LAMA3: variants seen among roughly 807,000 people sequenced by gnomAD.
The protein encoded by LAMA3 is laminin subunit alpha 3.
LAMA3 carries 281 observed loss-of-function variants against 402.0 expected under a neutral mutation model. That is an observed-to-expected ratio of 0.70 (90% CI 0.63 to 0.77). The LOEUF is 0.77. LAMA3 is among the 30% of genes least tolerant of loss of function. The probability of loss-of-function intolerance (pLI) is 0.00; values close to 1 mark genes in which losing one functional copy is unlikely to be tolerated. For synonymous variants in LAMA3, 1,431 were observed against 1,558.4 expected, an observed-to-expected ratio of 0.92 and a Z score of 1.93; for missense variants, 3,840 against 4,215.5, an observed-to-expected ratio of 0.91 and a Z score of 2.47.
At chr18:23,824,796 C>A (rs2144430765) in intron 21 of LAMA3, among the ~76,000 whole-genome samples, 1 of 151,704 alleles carries the variant, frequency 6.6e-6, no homozygotes, top group East Asian at 1.9e-4. Context: ...TTCTCTTGGA[C>A]AAAAAAAATA....
chr18:23,925,028 T>C (rs1331369821), intron 62 of LAMA3, among the ~76,000 whole-genome samples: 2 of 152,162 alleles, frequency 1.3e-5, no homozygotes, highest in Admixed American at 6.5e-5. Flanking sequence ...GAAACTGCCA[T>C]TGGGCATGAG....
At chr18:23,763,589 T>C in intron 8 of LAMA3, 66 bp downstream of exon 8, 3 of 986,018 alleles carry the variant, frequency 3.0e-6, no homozygotes, top group Non-Finnish European at 4.9e-6. Context: ...TAAGCTCTGC[T>C]CCTGAAGAGA....
At position 23,943,980 on chromosome 18, in the gene LAMA3, T is replaced by C; in HGVS notation, c.9210+9T>C. ...ATGGGAAATGGCACACGGTAAGAGCTGGGGCTGTGTCAGTATCTCCAGTTG... is the reference window on the plus strand; with the variant it reads ...ATGGGAAATGGCACACGGTAAGAGCCGGGGCTGTGTCAGTATCTCCAGTTG... On this transcript the variant is annotated intron_variant, in intron 69 of 74. Coordinates refer to ENST00000313654, the MANE Select transcript of LAMA3 (RefSeq NM_198129.4). 1 of 1,613,096 alleles carries C rather than the reference T, an allele frequency of 6.2e-7. No individual in the cohort carries two copies. Among genetic ancestry groups the C allele is most frequent in the South Asian group, 1.1e-5 (1 of 90,942 alleles).
intron 2 of LAMA3, among the ~76,000 whole-genome samples, chr18:23,746,309 A>C (rs1266398313): frequency 6.6e-6 from 1 of 152,152 alleles, no homozygotes; most frequent in Non-Finnish European, 1.5e-5. Context: ...TTCTTTGAGC[A>C]AAGGGTAAAT....
chr18:23,820,067 G>A, intron 19 of LAMA3, 70 bp downstream of exon 19: 1 of 1,465,650 alleles, frequency 6.8e-7, no homozygotes. Context: ...GTCTCAGGGA[G>A]CCCCCTGAAA....
chr18:23,692,057 T>A (rs887781064), intron 1 of LAMA3, among the ~76,000 whole-genome samples: 1 of 152,194 alleles, frequency 6.6e-6, no homozygotes, highest in Non-Finnish European at 1.5e-5. Context: ...CAGCACAGCA[T>A]TGAAGTAAGC....
At chr18:23,704,955 ATT>A (rs1170517781) in intron 1 of LAMA3, among the ~76,000 whole-genome samples, 1 of 152,172 alleles carries the variant, frequency 6.6e-6, no homozygotes, top group African/African-American at 2.4e-5. Context: ...CTTCTGGTTT[ATT>A]CTCTGGAGAC....
intron 34 of LAMA3, among the ~76,000 whole-genome samples, chr18:23,860,855 G>A (rs555947548): frequency 3.0e-4 from 46 of 151,694 alleles, no homozygotes; most frequent in African/African-American, 6.0e-4. Context: ...CACCACACCC[G>A]GCTAATTTTT....
In LAMA3 at chr18:23,950,045, G is replaced by T; in HGVS notation, c.9528G>T (p.Leu3176Phe). ...GHVVLAHSVL[L>F]GPEFKLVFSI... ...TTTTGAAAGCTCACTCTGTATTGTT[G>T]GGGCCAGAATTTAAGCTTGTTTTCA... The change falls in exon 72 of 75, where the codon TTG becomes TTT. Residue 3176 changes from leucine to phenylalanine, a missense_variant. This residue lies in a region of LAMA3 where 840 missense variants were observed against 981.9 expected (regional missense o/e 0.86). Coordinates refer to ENST00000313654, the MANE Select transcript of LAMA3 (RefSeq NM_198129.4). The T allele has an allele frequency of 1.9e-6, 3 of 1,614,016 alleles. No individual in the cohort carries two copies. The highest frequency in any genetic ancestry group is 1.7e-6 in the Non-Finnish European group (2 of 1,180,020).
intron 1 of LAMA3, among the ~76,000 whole-genome samples, chr18:23,690,909 T>C (rs1318868103): frequency 6.7e-6 from 1 of 148,340 alleles, no homozygotes; most frequent in Non-Finnish European, 1.5e-5. Flanking sequence ...ATTTATTTAT[T>C]TATTTATTTA....
chr18:23,705,671 C>T (rs2060875846), intron 1 of LAMA3, among the ~76,000 whole-genome samples: 1 of 152,080 alleles, frequency 6.6e-6, no homozygotes, highest in South Asian at 2.1e-4. Flanking sequence ...ATGCATGCCA[C>T]CATGCCCAGC....
At chr18:23,904,755 T>G in intron 51 of LAMA3, 61 bp downstream of exon 51, 1 of 1,549,952 alleles carries the variant, frequency 6.5e-7, no homozygotes, top group South Asian at 1.1e-5. Context: ...TTTTTATATT[T>G]TCTTTCCGTG....
intron 3 of LAMA3, among the ~76,000 whole-genome samples, 186 bp downstream of exon 3, chr18:23,748,246 T>C (rs184493799): frequency 8.4e-4 from 128 of 152,044 alleles, no homozygotes; most frequent in African/African-American, 2.9e-3. Flanking sequence ...CTGGCCAACA[T>C]GGTGAAACCC....
In LAMA3 at chr18:23,839,725, G is replaced by A. The variant is rs868424254; in HGVS notation, c.3192-60G>A. ...CTCCAAGTCTGTCTCTTCACTGATG[G>A]TCAGTTCTGTAGCTTTGGGTTCTTT... On this transcript the variant is annotated intron_variant, in intron 26 of 74. Transcript: ENST00000313654. The surrounding 1 kb of genome is among the most constrained non-coding windows in gnomAD (Gnocchi z 4.5). 35 of 1,578,756 alleles carry A rather than the reference G, an allele frequency of 2.2e-5. 3 individuals carry two copies. In the Middle Eastern group the frequency reaches 5.9e-3, roughly 264 times the overall value.
intron 12 of LAMA3, among the ~76,000 whole-genome samples, chr18:23,794,430 C>A (rs1295562024): frequency 6.6e-6 from 1 of 152,238 alleles, no homozygotes; most frequent in African/African-American, 2.4e-5. Flanking sequence ...CCTCTTCCCT[C>A]TTCTTCCTCC....
chr18:23,743,355 G>A (rs900181091), intron 2 of LAMA3, among the ~76,000 whole-genome samples: 2 of 152,124 alleles, frequency 1.3e-5, no homozygotes, highest in Non-Finnish European at 2.9e-5. Flanking sequence ...GGACCACTTC[G>A]GGGTTCAGCT....
chr18:23,700,908 G>A (rs910780238), intron 1 of LAMA3, among the ~76,000 whole-genome samples: 1 of 152,044 alleles, frequency 6.6e-6, no homozygotes, highest in African/African-American at 2.4e-5. Context: ...ATGTTGCCCA[G>A]GCTGGTCTCA....
intron 32 of LAMA3, among the ~76,000 whole-genome samples, chr18:23,850,625 A>G (rs1400328466): frequency 6.6e-6 from 1 of 152,246 alleles, no homozygotes; most frequent in African/African-American, 2.4e-5. Context: ...ATTCTGGCCA[A>G]TTCTATCAAG....
chr18:23,736,190 G>A (rs537958226), intron 2 of LAMA3, among the ~76,000 whole-genome samples: 109 of 151,462 alleles, frequency 7.2e-4, no homozygotes, highest in Non-Finnish European at 1.2e-3. Context: ...TCCAGATTCT[G>A]CACTCTAAAC....
Sources: allele counts gnomAD v4.1 joint callset (sites outside exome capture counted in the v4.1 genomes callset), GRCh38; gene constraint gnomAD v4.1.1; regional missense constraint gnomAD v4.1.1; non-coding constraint Gnocchi (gnomAD v3.1); transcripts MANE v1.5; gene names NCBI Gene and HGNC (gene_info 2026-07-23, HGNC 2026-07-21).